The following GRID2 variants were observed in gnomAD, a reference collection of about 807,000 sequenced individuals.
GRID2 encodes the protein glutamate ionotropic receptor delta type subunit 2.
GRID2 carries 33 observed loss-of-function variants against 114.8 expected under a neutral mutation model. The ratio of observed to expected loss-of-function variants is 0.29; its 90% CI spans 0.22 to 0.38. The LOEUF (loss-of-function observed/expected upper bound fraction) is 0.38. GRID2 is among the 10% of genes least tolerant of loss of function. The pLI is 1.00. For missense variants in GRID2, 1,184 were observed against 1,257.7 expected, an observed-to-expected ratio of 0.94 and a Z score of 0.89; for synonymous variants, 505 against 449.9, an observed-to-expected ratio of 1.12 and a Z score of -1.55.
chr4:92,949,898 TAAAC>T (rs1225666398), intron 2 of GRID2, among the ~76,000 whole-genome samples: 2 of 152,060 alleles, frequency 1.3e-5, no homozygotes, highest in African/African-American at 2.4e-5. Context: ...CAGCTACAGA[TAAAC>T]AAACTGATGC....
chr4:92,349,549 CAT>C (rs535216653), intron 1 of GRID2, among the ~76,000 whole-genome samples: 54 of 151,376 alleles, frequency 3.6e-4, no homozygotes, highest in Admixed American at 8.6e-4. Context: ...TTATTTAAAA[CAT>C]ATTTTATTTT....
intron 8 of GRID2, among the ~76,000 whole-genome samples, chr4:93,388,637 CT>C (rs1198549919): frequency 6.6e-6 from 1 of 152,102 alleles, no homozygotes. Context: ...AAAGTTTGGC[CT>C]TTATCTTGAG....
intron 8 of GRID2, among the ~76,000 whole-genome samples, chr4:93,364,488 A>T (rs894943388): frequency 1.3e-5 from 2 of 151,974 alleles, no homozygotes; most frequent in African/African-American, 4.8e-5. Flanking sequence ...AATTATATTT[A>T]GAGACAAGAG....
At chr4:92,531,883 C>CA (rs974268261) in intron 1 of GRID2, among the ~76,000 whole-genome samples, 1 of 152,006 alleles carries the variant, frequency 6.6e-6, no homozygotes, top group African/African-American at 2.4e-5. Context: ...TCAAATTTAC[C>CA]AAAAAACTAA....
chr4:92,586,887 A>G (rs1728476068), intron 1 of GRID2, among the ~76,000 whole-genome samples: 1 of 152,000 alleles, frequency 6.6e-6, no homozygotes, highest in African/African-American at 2.4e-5. Context: ...TATTTTGGCC[A>G]CTTGCATGTC....
At chr4:92,470,057 A>G (rs183227109) in intron 1 of GRID2, among the ~76,000 whole-genome samples, 154 of 152,046 alleles carry the variant, frequency 1.0e-3, no homozygotes, top group African/African-American at 3.6e-3. Flanking sequence ...TGGATGTCTC[A>G]TAAGTATATT....
chr4:93,153,614 A>G (rs1303513020), intron 4 of GRID2, among the ~76,000 whole-genome samples: 1 of 152,054 alleles, frequency 6.6e-6, no homozygotes, highest in East Asian at 1.9e-4. Context: ...GGGACATAGC[A>G]TGAGTTTTCT....
At chr4:92,844,719 AAG>A (rs1743170440) in intron 2 of GRID2, among the ~76,000 whole-genome samples, 1 of 151,426 alleles carries the variant, frequency 6.6e-6, no homozygotes, top group Admixed American at 6.6e-5. Context: ...AAAAAAAAAA[AAG>A]AAAGAAAAAA....
chr4:93,077,850 A>G (rs1223668239), intron 2 of GRID2, among the ~76,000 whole-genome samples: 1 of 152,222 alleles, frequency 6.6e-6, no homozygotes, highest in Non-Finnish European at 1.5e-5. Flanking sequence ...GTGTTAAGCA[A>G]AACAGTCTTA....
chr4:92,861,527 A>T (rs1049454762), intron 2 of GRID2, among the ~76,000 whole-genome samples: 8 of 152,058 alleles, frequency 5.3e-5, no homozygotes, highest in African/African-American at 1.9e-4. Flanking sequence ...TAGCTGTCAC[A>T]GTACCTACTA....
At position 93,772,721 on chromosome 4, in the gene GRID2, C is replaced by T. The variant is rs150965379; in HGVS notation, c.*223C>T. On this transcript the variant is annotated 3_prime_UTR_variant, in exon 16 of 16. Coordinates refer to ENST00000282020, the MANE Select transcript of GRID2 (RefSeq NM_001510.4). ...CATTTTCCTCCACTTTTTTTCATTA[C>T]TCAACTTGTTCCCCAAGAAGGTAGT... The T allele has an allele frequency of 9.9e-5, 51 of 515,784 alleles. No individual in the cohort carries two copies. In the Middle Eastern group the frequency reaches 2.5e-3, roughly 25 times the overall value. The allele number at this position is 515,784 out of a possible 1,614,324, so 32.0% of individuals were successfully genotyped here. A position where few individuals can be genotyped will look rare whatever the true frequency, so the allele number is the denominator to read the frequency against.
chr4:92,549,852 G>T (rs1003420829), intron 1 of GRID2, among the ~76,000 whole-genome samples: 1 of 152,082 alleles, frequency 6.6e-6, no homozygotes, highest in African/African-American at 2.4e-5. Context: ...ATATGTACTT[G>T]AGAAGAAATA....
intron 11 of GRID2, 49 bp from the exon 12 acceptor site, chr4:93,490,590 C>T (rs1209560453): frequency 6.8e-7 from 1 of 1,468,882 alleles, no homozygotes; most frequent in Non-Finnish European, 9.4e-7. Flanking sequence ...TTCAGATCCT[C>T]AATAAATACT....
At chr4:92,423,305 G>C (rs1256343702) in intron 1 of GRID2, among the ~76,000 whole-genome samples, 1 of 152,174 alleles carries the variant, frequency 6.6e-6, no homozygotes, top group African/African-American at 2.4e-5. Context: ...AGTTTTGGCA[G>C]TATTTGCAGA....
chr4:93,764,226 C>T (rs374951750), intron 14 of GRID2, among the ~76,000 whole-genome samples: 2 of 151,988 alleles, frequency 1.3e-5, no homozygotes, highest in Admixed American at 1.3e-4. Flanking sequence ...TACTCCCTTC[C>T]CCTGAAATTT....
At chr4:93,538,570 A>T (rs1243076368) in intron 13 of GRID2, among the ~76,000 whole-genome samples, 1 of 151,788 alleles carries the variant, frequency 6.6e-6, no homozygotes, top group Non-Finnish European at 1.5e-5. Context: ...GAAAAAATAG[A>T]GATATCTGAC....
chr4:93,571,050 A>G (rs1735887727), intron 13 of GRID2, among the ~76,000 whole-genome samples: 1 of 152,132 alleles, frequency 6.6e-6, no homozygotes, highest in African/African-American at 2.4e-5. Context: ...GAGAGAGAAT[A>G]TTATTTTGTC....
chr4:93,086,910 A>T (rs1472199361), intron 3 of GRID2, among the ~76,000 whole-genome samples: 2 of 152,172 alleles, frequency 1.3e-5, no homozygotes, highest in Non-Finnish European at 2.9e-5. Context: ...TTTTTACTTA[A>T]ATGATATTCT....
intron 8 of GRID2, among the ~76,000 whole-genome samples, chr4:93,258,126 T>G (rs1342995399): frequency 1.3e-5 from 2 of 151,360 alleles, no homozygotes; most frequent in Non-Finnish European, 3.0e-5. Flanking sequence ...TTAAAAAATT[T>G]TATTCTCATG....
Sources: allele counts gnomAD v4.1 joint callset (sites outside exome capture counted in the v4.1 genomes callset), GRCh38; gene constraint gnomAD v4.1.1; transcripts MANE v1.5; gene names NCBI Gene and HGNC (gene_info 2026-07-23, HGNC 2026-07-21).